TNPO3: variants seen among roughly 807,000 people sequenced by gnomAD.
TNPO3 encodes transportin-3.
In TNPO3, 65 loss-of-function variants were observed where a neutral mutation model predicts 122.8. That is an observed-to-expected ratio of 0.53 (90% CI 0.43 to 0.65). The LOEUF (loss-of-function observed/expected upper bound fraction) is 0.65. TNPO3 is among the 30% of genes least tolerant of loss of function. The pLI is 0.00. For synonymous variants in TNPO3, 372 were observed against 411.2 expected (o/e 0.90, Z 1.15); for missense variants, 850 against 1,136.7 (o/e 0.75, Z 3.63).
At chr7:128,981,227 C>T (rs145073523) in intron 14 of TNPO3, among the ~76,000 whole-genome samples, 60 of 152,280 alleles carry the variant, frequency 3.9e-4, no homozygotes, top group Non-Finnish European at 8.4e-4. Flanking sequence ...TTGACAATAA[C>T]TAGTAACACA....
At chr7:129,014,314 G>C (rs1363433169) in intron 4 of TNPO3, among the ~76,000 whole-genome samples, 1 of 152,180 alleles carries the variant, frequency 6.6e-6, no homozygotes, top group African/African-American at 2.4e-5. Flanking sequence ...CTTGAGGTCA[G>C]GAGTTCGAGG....
intron 19 of TNPO3, chr7:128,971,088 T>A (rs1458597249): frequency 6.7e-6 from 1 of 150,102 alleles, no homozygotes; most frequent in Non-Finnish European, 1.5e-5. Flanking sequence ...AAGACGTCTA[T>A]CAGAGATCTA....
At chr7:129,051,673 G>A (rs111750834) in intron 1 of TNPO3, among the ~76,000 whole-genome samples, 162 of 151,766 alleles carry the variant, frequency 1.1e-3, no homozygotes, top group African/African-American at 3.6e-3. Context: ...AAATGGAGTC[G>A]CGCTCTGTCG....
intron 1 of TNPO3, among the ~76,000 whole-genome samples, chr7:129,027,589 A>AAAAAAAAAAC (rs1805385163): frequency 1.3e-5 from 1 of 77,416 alleles, no homozygotes; most frequent in East Asian, 3.8e-4. Context: ...AAAAAAAAAA[A>AAAAAAAAAAC]AACAACACAA....
At position 129,018,044 on chromosome 7, in the gene TNPO3, G is replaced by A. The variant is rs142268279; in HGVS notation, c.234C>T (p.Leu78=). 102 of 1,613,990 alleles carry A rather than the reference G, an allele frequency of 6.3e-5. No individual in the cohort carries two copies. Among genetic ancestry groups the A allele is most frequent in the Middle Eastern group, 3.3e-4 (2 of 6,084 alleles). Residue 78 remains leucine (L), a synonymous_variant, in exon 2 of 23, where the codon CTC becomes CTT. Coordinates refer to ENST00000265388, the MANE Select transcript of TNPO3 (RefSeq NM_012470.4). Reference sequence around the variant, plus strand: ...GTAAAGAGGCATGAGAGTCTGTGGGGAGCTCATAAAATGAGGTCTGAATCT... The same window carrying A: ...GTAAAGAGGCATGAGAGTCTGTGGGAAGCTCATAAAATGAGGTCTGAATCT... ...KMKIQTSFYE[L]PTDSHASLRD... is the part of the protein sequence containing the mutation.
chr7:129,052,287 T>C (rs1439420163), intron 1 of TNPO3, among the ~76,000 whole-genome samples: 1 of 152,178 alleles, frequency 6.6e-6, no homozygotes, highest in Admixed American at 6.5e-5. Flanking sequence ...CTTCATTCTC[T>C]CAAGGTCACC....
In TNPO3 at chr7:128,995,951, G is replaced by A. The variant is rs568634124; in HGVS notation, c.1158+1438C>T. 6.6e-5 allele frequency among the ~76,000 whole-genome samples: 10 copies of A among 152,166 alleles called. No individual in the cohort carries two copies. The East Asian group carries it at 1.5e-3, about 24-fold the overall frequency. ...TGACCTCAAGTGATCCACCCGCCTC[G>A]GCCTCCCAAAGTGCTGGGATTACAG... On this transcript the variant is annotated intron_variant, in intron 8 of 22. Transcript: ENST00000265388.
At chr7:128,981,391 T>A (rs1022721078) in intron 14 of TNPO3, among the ~76,000 whole-genome samples, 2 of 152,210 alleles carry the variant, frequency 1.3e-5, no homozygotes, top group Non-Finnish European at 2.9e-5. Flanking sequence ...ATCATTAGGC[T>A]CCTCCTCTTC....
intron 4 of TNPO3, among the ~76,000 whole-genome samples, chr7:129,013,582 A>G (rs556171260): frequency 6.6e-6 from 1 of 152,330 alleles, no homozygotes; most frequent in South Asian, 2.1e-4. Context: ...CAGACTGAAA[A>G]TAGTACTACC....
chr7:129,023,570 C>A (rs1419970102), intron 1 of TNPO3, among the ~76,000 whole-genome samples: 1 of 151,950 alleles, frequency 6.6e-6, no homozygotes, highest in Non-Finnish European at 1.5e-5. Flanking sequence ...GGACAGAAGA[C>A]AATAAGACTA....
chr7:128,998,198 A>T (rs1316550342), intron 7 of TNPO3, among the ~76,000 whole-genome samples: 2 of 151,980 alleles, frequency 1.3e-5, no homozygotes, highest in Non-Finnish European at 2.9e-5. Flanking sequence ...TCTCTAAAAA[A>T]ATACAAAAAT....
At position 129,054,817 on chromosome 7, in the gene TNPO3, A is replaced by T. The variant is rs749189508; in HGVS notation, c.-47T>A. 3.7e-6 allele frequency: 6 copies of T among 1,612,154 alleles called. No individual in the cohort carries two copies. Among genetic ancestry groups the T allele is most frequent in the Non-Finnish European group, 5.1e-6 (6 of 1,179,208 alleles). ...AGCGACGGCTCTGATTCTTCTCCGG[A>T]GGATTCCTCGGTTGCTCCGCCTTCG... On this transcript the variant is annotated 5_prime_UTR_variant, in exon 1 of 23. Transcript: ENST00000265388.
chr7:129,017,696 C>T (rs971037921), intron 2 of TNPO3, among the ~76,000 whole-genome samples: 5 of 152,228 alleles, frequency 3.3e-5, no homozygotes, highest in African/African-American at 1.2e-4. Context: ...AAGGCAACTA[C>T]CTAAACCTCT....
At chr7:129,037,609 C>T (rs1161404262) in intron 1 of TNPO3, among the ~76,000 whole-genome samples, 2 of 152,116 alleles carry the variant, frequency 1.3e-5, no homozygotes, top group Admixed American at 6.6e-5. Flanking sequence ...AGACCACCTC[C>T]TTTGGTGGTG....
At chr7:128,989,388 C>T (rs917749622) in intron 11 of TNPO3, among the ~76,000 whole-genome samples, 4 of 152,114 alleles carry the variant, frequency 2.6e-5, no homozygotes, top group Non-Finnish European at 4.4e-5. Flanking sequence ...TCTCTTTGGG[C>T]CTCAGTTTCC....
intron 13 of TNPO3, among the ~76,000 whole-genome samples, chr7:128,983,864 T>C (rs985323194): frequency 5.9e-5 from 9 of 152,336 alleles, no homozygotes; most frequent in African/African-American, 1.9e-4. Context: ...AAGCACACTT[T>C]CTCAGAACTC....
intron 1 of TNPO3, among the ~76,000 whole-genome samples, chr7:129,039,648 G>C (rs549882755): frequency 6.6e-6 from 1 of 152,078 alleles, no homozygotes; most frequent in South Asian, 2.1e-4. Context: ...ATTCACAAAC[G>C]ATAGCCAAAA....
In TNPO3 at chr7:128,974,978, G is replaced by A; in HGVS notation, c.2179-16C>T. The A allele has an allele frequency of 6.2e-7, 1 of 1,601,508 alleles. No individual in the cohort carries two copies. Among genetic ancestry groups the A allele is most frequent in the Non-Finnish European group, 8.6e-7 (1 of 1,168,984 alleles). On this transcript the variant is annotated splice_polypyrimidine_tract_variant and intron_variant, in intron 17 of 22. Transcript: ENST00000265388. ...TGCACAGTGCCTAAAACAAAACAGT[G>A]ATTTTAAAAGAAATGCTTTTTCAGA... is the stretch of plus-strand genomic sequence containing the variant.
chr7:129,002,254 C>T (rs1802020196), intron 5 of TNPO3, among the ~76,000 whole-genome samples: 1 of 152,172 alleles, frequency 6.6e-6, no homozygotes, highest in East Asian at 1.9e-4. Context: ...TATATCTTTT[C>T]TGAAGAAGTT....
Sources: gnomAD v4.1 joint callset for allele counts (sites outside exome capture counted in the v4.1 genomes callset) on GRCh38, gnomAD v4.1.1 for gene constraint, MANE v1.5 for transcripts, NCBI Gene and HGNC (gene_info 2026-07-23, HGNC 2026-07-21) for gene names.